Variants in DPH5 observed in about 807,000 individuals in gnomAD.
DPH5 encodes the protein diphthamide biosynthesis 5.
A neutral mutation model predicts 31.6 loss-of-function variants in DPH5; 31 were observed. The observed-to-expected ratio is 0.98, with a 90% CI of 0.74 to 1.32. The LOEUF is 1.32. Ranked by LOEUF, DPH5 falls within the 40% of genes most tolerant of loss-of-function variation. DPH5 has a pLI of 0.00. For missense variants in DPH5, 309 were observed against 335.7 expected, an observed-to-expected ratio of 0.92 and a Z score of 0.62; for synonymous variants, 120 against 115.0, an observed-to-expected ratio of 1.04 and a Z score of -0.28.
chr1:100,993,554 A>G (rs1657989855), intron 6 of DPH5, among the ~76,000 whole-genome samples: 1 of 72,708 alleles, frequency 1.4e-5, no homozygotes, highest in Non-Finnish European at 2.7e-5. Flanking sequence ...TCTGTCGAAA[A>G]TATAAATATA....
chr1:101,025,765 C>T lies in DPH5; in HGVS notation c.-106G>A, dbSNP rs1185766414. ...TCCGCAGAAGCAACTGCAAAAGCGC[C>T]GGCTCCGTGCAGAGAAAAGGCCCAC... On this transcript the variant is annotated 5_prime_UTR_variant, in exon 1 of 8. Transcript: ENST00000370109. 3.4e-6 allele frequency: 1 copy of T among 294,268 alleles called. No individual in the cohort carries two copies. Among genetic ancestry groups the T allele is most frequent in the Non-Finnish European group, 6.5e-6 (1 of 154,172 alleles). 18.2% of individuals were successfully genotyped at this position (294,268 alleles called of 1,614,324 possible).
chr1:100,997,708 G>A (rs1480818272), intron 5 of DPH5, among the ~76,000 whole-genome samples: 1 of 152,138 alleles, frequency 6.6e-6, no homozygotes, highest in Non-Finnish European at 1.5e-5. Flanking sequence ...TTATCAGGTA[G>A]CCTGCCTCTC....
chr1:101,001,466 C>T lies in DPH5; in HGVS notation c.490+1G>A, dbSNP rs1658861121. 1 of 1,610,318 alleles carries T rather than the reference C, an allele frequency of 6.2e-7. No homozygotes were observed. Among genetic ancestry groups the T allele is most frequent in the South Asian group, 1.1e-5 (1 of 89,854 alleles). ...CTTCAAGGAAATTCCAAAACCCTTA[C>T]CTAGTAAACATAATGTGTGCATGCC... is the stretch of plus-strand genomic sequence containing the variant. On this transcript the variant is annotated splice_donor_variant, in intron 5 of 7. Coordinates refer to ENST00000370109, the MANE Select transcript of DPH5 (RefSeq NM_015958.3). LOFTEE classifies it high-confidence loss of function.
intron 4 of DPH5, among the ~76,000 whole-genome samples, chr1:101,006,739 A>T (rs897936578): frequency 4.6e-5 from 7 of 151,590 alleles, no homozygotes; most frequent in Admixed American, 4.6e-4. Flanking sequence ...TTGTGGTATT[A>T]AAAAAAAGAG....
chr1:101,016,915 G>A (rs1660122947), intron 3 of DPH5, among the ~76,000 whole-genome samples: 1 of 152,160 alleles, frequency 6.6e-6, no homozygotes, highest in Non-Finnish European at 1.5e-5. Context: ...GAGAGAGTTG[G>A]GGGAATGGCT....
intron 4 of DPH5, among the ~76,000 whole-genome samples, chr1:101,005,012 T>G (rs1278976488): frequency 1.3e-5 from 2 of 152,174 alleles, no homozygotes; most frequent in Non-Finnish European, 2.9e-5. Flanking sequence ...TGTAGCTGAC[T>G]ACTCATTTCT....
intron 7 of DPH5, 43 bp from the exon 8 acceptor site, chr1:100,990,674 A>T (rs779735169): frequency 6.4e-7 from 1 of 1,573,722 alleles, no homozygotes; most frequent in African/African-American, 1.3e-5. Context: ...CAGCAAATGC[A>T]TCATCCATCC....
At chr1:100,991,339 ACAATGAT>A (rs930726902) in intron 7 of DPH5, among the ~76,000 whole-genome samples, 2 of 152,240 alleles carry the variant, frequency 1.3e-5, no homozygotes, top group African/African-American at 4.8e-5. Flanking sequence ...TCTTGATTGA[ACAATGAT>A]CAAAAGGGGG....
chr1:100,998,251 C>T (rs1481506953), intron 5 of DPH5, among the ~76,000 whole-genome samples: 1 of 152,098 alleles, frequency 6.6e-6, no homozygotes, highest in Non-Finnish European at 1.5e-5. Flanking sequence ...TGGCTCAAGC[C>T]CATCATCCCA....
intron 3 of DPH5, among the ~76,000 whole-genome samples, chr1:101,016,442 TC>T (rs1660081469): frequency 6.6e-6 from 1 of 151,344 alleles, no homozygotes; most frequent in African/African-American, 2.4e-5. Context: ...TCCTTTTCTT[TC>T]TTTCTTTTTT....
chr1:101,023,290 A>T (rs1299980421), intron 2 of DPH5: 2 of 152,198 alleles, frequency 1.3e-5, no homozygotes, highest in East Asian at 3.8e-4. Flanking sequence ...ATCATTCACT[A>T]TCTGCATGAA....
intron 3 of DPH5, among the ~76,000 whole-genome samples, chr1:101,020,841 C>T (rs1660389093): frequency 6.6e-6 from 1 of 152,100 alleles, no homozygotes; most frequent in African/African-American, 2.4e-5. Flanking sequence ...CCACCAAAAA[C>T]GTTCTTGCCT....
At chr1:100,998,194 A>G (rs1007705291) in intron 5 of DPH5, among the ~76,000 whole-genome samples, 24 of 152,138 alleles carry the variant, frequency 1.6e-4, no homozygotes, top group African/African-American at 5.8e-4. Context: ...CCTAATCTAG[A>G]TCTATAATTA....
intron 5 of DPH5, among the ~76,000 whole-genome samples, chr1:100,997,301 C>T (rs907576962): frequency 1.3e-5 from 2 of 152,182 alleles, no homozygotes; most frequent in Non-Finnish European, 1.5e-5. Context: ...AATACCTGTA[C>T]ACTGATCTTC....
At chr1:100,996,172 G>A (rs1348439780) in intron 5 of DPH5, 1 of 152,116 alleles carries the variant, frequency 6.6e-6, no homozygotes, top group Non-Finnish European at 1.5e-5. Flanking sequence ...ACGAATGCCT[G>A]TTATTAAGAA....
At chr1:100,996,970 A>G (rs889692949) in intron 5 of DPH5, among the ~76,000 whole-genome samples, 4 of 152,242 alleles carry the variant, frequency 2.6e-5, no homozygotes, top group Non-Finnish European at 5.9e-5. Context: ...ATTTGAAATC[A>G]TGACATCCTA....
chr1:100,990,862 G>T (rs1356308648), intron 7 of DPH5, among the ~76,000 whole-genome samples: 1 of 152,098 alleles, frequency 6.6e-6, no homozygotes, highest in Non-Finnish European at 1.5e-5. Flanking sequence ...AATTACAAAG[G>T]CTTACACTAA....
chr1:101,024,984 A>T (rs1310051483), intron 2 of DPH5: 1 of 242,400 alleles, frequency 4.1e-6, no homozygotes, highest in Admixed American at 5.2e-5. Flanking sequence ...CCTCATTAGC[A>T]CTCAACTCAG....
At chr1:100,992,114 A>G (rs1026660137) in intron 7 of DPH5, among the ~76,000 whole-genome samples, 4 of 151,604 alleles carry the variant, frequency 2.6e-5, no homozygotes, top group Non-Finnish European at 5.9e-5. Context: ...AAAAAAAAGA[A>G]CCTCCCATAA....
Sources: gnomAD v4.1 joint callset for allele counts (sites outside exome capture counted in the v4.1 genomes callset) on GRCh38, gnomAD v4.1.1 for gene constraint, MANE v1.5 for transcripts, NCBI Gene and HGNC (gene_info 2026-07-23, HGNC 2026-07-21) for gene names.